The following EPB41L4A variants were observed in gnomAD, a reference collection of about 807,000 sequenced individuals.
The protein encoded by EPB41L4A is erythrocyte membrane protein band 4.1 like 4A, also known as band 4.1-like protein 4A.
A neutral mutation model predicts 108.6 loss-of-function variants in EPB41L4A; 100 were observed. The observed-to-expected ratio is 0.92, with a 90% CI of 0.78 to 1.09. The LOEUF is 1.09. Among genes scored for constraint, EPB41L4A ranks in the 50% least tolerant of loss-of-function variants. EPB41L4A has a pLI of 0.00. For missense variants in EPB41L4A, 1,030 were observed against 842.7 expected, an observed-to-expected ratio of 1.22 and a Z score of -2.75; for synonymous variants, 319 against 289.0, an observed-to-expected ratio of 1.10 and a Z score of -1.05.
chr5:112,255,924 G>A (rs563642633), intron 9 of EPB41L4A, among the ~76,000 whole-genome samples: 2 of 152,162 alleles, frequency 1.3e-5, no homozygotes, highest in East Asian at 3.9e-4. Flanking sequence ...CACCTCACCT[G>A]ATGATAGCTC....
chr5:112,406,951 A>T (rs1268857732), intron 1 of EPB41L4A, among the ~76,000 whole-genome samples: 1 of 152,094 alleles, frequency 6.6e-6, no homozygotes, highest in Non-Finnish European at 1.5e-5. Context: ...TAATTATGTC[A>T]GCTCTTCCAC....
intron 1 of EPB41L4A, among the ~76,000 whole-genome samples, chr5:112,382,552 G>C (rs114673458): frequency 0.017 from 2,549 of 152,270 alleles, 31 homozygotes; most frequent in South Asian, 0.038. Context: ...TCAAACTGTG[G>C]TGTTAACTGT....
rs117905425 is a variant in EPB41L4A at position 112,332,358 on chromosome 5, G to C, written c.100-24868C>G. ...ATTTGAAGTAATTATTTGGCTTGGG[G>C]ACCACCCAGGACCTTGACTCCTCTT... On this transcript the variant is annotated intron_variant, in intron 1 of 22. Transcript: ENST00000261486. Among the ~76,000 whole-genome samples the C allele has an allele frequency of 2.1e-3, 320 of 152,254 alleles. 14 individuals carry two copies. In the East Asian group the frequency reaches 0.059, roughly 28 times the overall value.
intron 1 of EPB41L4A, among the ~76,000 whole-genome samples, chr5:112,309,626 G>T (rs553596391): frequency 1.3e-5 from 2 of 152,096 alleles, no homozygotes; most frequent in South Asian, 4.1e-4. Context: ...AAGATGTCCT[G>T]CCCTGACCTC....
intron 1 of EPB41L4A, among the ~76,000 whole-genome samples, chr5:112,351,077 T>C (rs1361003092): frequency 6.6e-6 from 1 of 151,930 alleles, no homozygotes; most frequent in Non-Finnish European, 1.5e-5. Flanking sequence ...TCCAAGGAAC[T>C]AGAAAAACAA....
intron 13 of EPB41L4A, chr5:112,206,949 G>A (rs1458151486): frequency 1.3e-5 from 2 of 152,046 alleles, no homozygotes; most frequent in African/African-American, 4.8e-5. Flanking sequence ...TTCTAAAATG[G>A]ACCCTCCCTC....
intron 18 of EPB41L4A, among the ~76,000 whole-genome samples, chr5:112,181,727 G>A (rs896618515): frequency 2.6e-5 from 4 of 152,178 alleles, no homozygotes; most frequent in African/African-American, 9.7e-5. Flanking sequence ...AGTATATATT[G>A]TGTTATTACA....
At chr5:112,300,656 G>A (rs1018512684) in intron 2 of EPB41L4A, among the ~76,000 whole-genome samples, 17 of 152,112 alleles carry the variant, frequency 1.1e-4, no homozygotes, top group African/African-American at 3.9e-4. Flanking sequence ...TTTGCCAGGT[G>A]TTCTTTGAGC....
intron 1 of EPB41L4A, among the ~76,000 whole-genome samples, chr5:112,348,856 G>A (rs1580733785): frequency 6.6e-6 from 1 of 152,096 alleles, no homozygotes; most frequent in South Asian, 2.1e-4. Context: ...CTGTTACTAC[G>A]CACAATGTTG....
At chr5:112,181,386 A>T (rs1761144670) in intron 18 of EPB41L4A, among the ~76,000 whole-genome samples, 9 of 151,942 alleles carry the variant, frequency 5.9e-5, no homozygotes, top group Admixed American at 5.9e-4. Context: ...CGGGAGGCGG[A>T]GCTTGCAGTG....
chr5:112,262,647 C>A lies in EPB41L4A; in HGVS notation c.555-66G>T, dbSNP rs924427570. Reference sequence around the variant, plus strand: ...GCTACTGCACTTACAGGGATGCAAACTATCTTCATTGTATTCAATGGGAAA... The same window carrying A: ...GCTACTGCACTTACAGGGATGCAAAATATCTTCATTGTATTCAATGGGAAA... On this transcript the variant is annotated intron_variant, in intron 6 of 22. Transcript: ENST00000261486. 12 of 1,243,862 alleles carry A rather than the reference C, an allele frequency of 9.6e-6. No individual in the cohort carries two copies. The Admixed American group carries it at 1.1e-4, about 11-fold the overall frequency. 77.1% of individuals were successfully genotyped at this position (1,243,862 alleles called of 1,614,324 possible). A position where few individuals can be genotyped will look rare whatever the true frequency, so the allele number is the denominator to read the frequency against.
At chr5:112,264,542 G>T in intron 6 of EPB41L4A, 1 of 152,136 alleles carries the variant, frequency 6.6e-6, no homozygotes, top group Non-Finnish European at 1.4e-5. Flanking sequence ...AAAAAAAAAA[G>T]ACTGCAAAAT....
chr5:112,353,909 T>G (rs1758211825), intron 1 of EPB41L4A, among the ~76,000 whole-genome samples: 1 of 152,164 alleles, frequency 6.6e-6, no homozygotes, highest in African/African-American at 2.4e-5. Context: ...TGGCACCAGG[T>G]AATGCAGGCC....
rs753304465 is a variant in EPB41L4A, at chr5:112,418,959, G to A, written c.81C>T (p.Thr27=). Reference sequence around the variant, plus strand: ...CACCCACCTTGATGCCCTGCTGCTGGGTGGTAAGGGTTAACTTGGATTCAT... The same window carrying A: ...CACCCACCTTGATGCCCTGCTGCTGAGTGGTAAGGGTTAACTTGGATTCAT... ...LLDESKLTLT[T]QQQGIKKSTK... is the part of the protein sequence containing the mutation. The change falls in exon 1 of 23, where the codon ACC becomes ACT. Residue 27 remains threonine (T), a synonymous_variant. Transcript: ENST00000261486. 1.8e-5 allele frequency: 29 copies of A among 1,613,074 alleles called. No individual in the cohort carries two copies. In the African/African-American group the frequency reaches 2.0e-4, roughly 11 times the overall value.
chr5:112,149,819 A>G (rs1449373219), intron 12 of EPB41L4A, among the ~76,000 whole-genome samples: 1 of 152,214 alleles, frequency 6.6e-6, no homozygotes, highest in Non-Finnish European at 1.5e-5. Context: ...ATCCAAAGCA[A>G]GTTCTGGAGC....
chr5:112,257,356 G>A (rs1751176416), intron 9 of EPB41L4A: 1 of 151,760 alleles, frequency 6.6e-6, no homozygotes, highest in Non-Finnish European at 1.5e-5. Context: ...AAAGATCACT[G>A]ACATTGAGCT....
intron 1 of EPB41L4A, among the ~76,000 whole-genome samples, chr5:112,375,206 G>A (rs1448077798): frequency 1.3e-5 from 2 of 152,066 alleles, no homozygotes; most frequent in African/African-American, 4.8e-5. Flanking sequence ...TGAGCCCAGA[G>A]TGGTGCAGGA....
chr5:112,384,173 TGTG>T (rs1378738223), intron 1 of EPB41L4A, among the ~76,000 whole-genome samples: 1 of 152,170 alleles, frequency 6.6e-6, no homozygotes, highest in African/African-American at 2.4e-5. Flanking sequence ...ATAAATTGAC[TGTG>T]GTGATGGCTG....
chr5:112,215,155 G>A (rs983934472), intron 12 of EPB41L4A, among the ~76,000 whole-genome samples: 1 of 152,138 alleles, frequency 6.6e-6, no homozygotes, highest in Non-Finnish European at 1.5e-5. Context: ...TTTAATAAGT[G>A]TCAAAAGTAA....
Sources: allele counts gnomAD v4.1 joint callset (sites outside exome capture counted in the v4.1 genomes callset), GRCh38; gene constraint gnomAD v4.1.1; transcripts MANE v1.5; gene names NCBI Gene and HGNC (gene_info 2026-07-23, HGNC 2026-07-21).